Variants in TUNAR observed in about 807,000 individuals in gnomAD.
TUNAR encodes transmembrane neural differentiation associated intracellular calcium regulator, also known as protein TUNAR.
intron 2 of TUNAR, among the ~76,000 whole-genome samples, chr14:95,907,273 GT>G (rs1190486814): frequency 5.9e-5 from 9 of 152,208 alleles, no homozygotes; most frequent in Non-Finnish European, 1.0e-4. Flanking sequence ...TTGCGTGTGT[GT>G]TTTCATAGCA....
At chr14:95,884,292 C>T (rs1173621874) in intron 2 of TUNAR, among the ~76,000 whole-genome samples, 1 of 152,130 alleles carries the variant, frequency 6.6e-6, no homozygotes, top group Non-Finnish European at 1.5e-5. Flanking sequence ...TCCATCTCAC[C>T]TCCTCTCCCA....
chr14:95,891,877 C>T (rs1482456287), intron 2 of TUNAR, among the ~76,000 whole-genome samples: 1 of 152,216 alleles, frequency 6.6e-6, no homozygotes, highest in African/African-American at 2.4e-5. Context: ...CTGGTGGTTG[C>T]CTGCAATCCT....
intron 2 of TUNAR, among the ~76,000 whole-genome samples, chr14:95,912,152 A>G (rs1889524960): frequency 6.6e-6 from 1 of 152,214 alleles, no homozygotes; most frequent in Non-Finnish European, 1.5e-5. Flanking sequence ...GAACATGATA[A>G]AAGTAAATTA....
intron 2 of TUNAR, among the ~76,000 whole-genome samples, chr14:95,904,065 G>A (rs1889394573): frequency 6.6e-6 from 1 of 152,262 alleles, no homozygotes; most frequent in Non-Finnish European, 1.5e-5. Context: ...GGAAGGGAGT[G>A]AGTGGCCATC....
intron 2 of TUNAR, among the ~76,000 whole-genome samples, chr14:95,897,215 G>T (rs1175709020): frequency 6.6e-6 from 1 of 152,158 alleles, no homozygotes; most frequent in African/African-American, 2.4e-5. Context: ...TCCAGGATTT[G>T]CATCCAGACA....
intron 2 of TUNAR, among the ~76,000 whole-genome samples, chr14:95,880,605 C>A (rs1258802989): frequency 6.6e-6 from 1 of 152,222 alleles, no homozygotes; most frequent in Admixed American, 6.5e-5. Flanking sequence ...CCGCCTCAAT[C>A]TCAGGCTGTT....
At chr14:95,884,220 C>T (rs907449805) in intron 2 of TUNAR, among the ~76,000 whole-genome samples, 2 of 152,132 alleles carry the variant, frequency 1.3e-5, no homozygotes, top group Non-Finnish European at 2.9e-5. Flanking sequence ...AGCTTCAGTG[C>T]CCCCTGTGCC....
intron 2 of TUNAR, among the ~76,000 whole-genome samples, chr14:95,917,560 T>C (rs1889625886): frequency 6.6e-6 from 1 of 152,230 alleles, no homozygotes; most frequent in African/African-American, 2.4e-5. Flanking sequence ...GCAAAAAACC[T>C]ATAGAACACT....
At chr14:95,892,582 G>T (rs916036311) in intron 2 of TUNAR, among the ~76,000 whole-genome samples, 10 of 152,220 alleles carry the variant, frequency 6.6e-5, no homozygotes, top group African/African-American at 1.9e-4. Flanking sequence ...ATTCGAGCTG[G>T]CCTGATTCTT....
At chr14:95,876,765 C>T (rs1888886763) in intron 1 of TUNAR, 67 bp from the exon 1 acceptor site, 2 of 152,254 alleles carry the variant, frequency 1.3e-5, no homozygotes, top group Non-Finnish European at 2.9e-5. Flanking sequence ...GTGGGTGGGG[C>T]AGCGCGGTGC....
intron 2 of TUNAR, among the ~76,000 whole-genome samples, chr14:95,913,565 C>G (rs1430783472): frequency 1.3e-5 from 2 of 152,164 alleles, no homozygotes; most frequent in Admixed American, 6.5e-5. Context: ...GGGACAAACT[C>G]CATTTCTTAG....
At chr14:95,912,856 T>A (rs893942971) in intron 2 of TUNAR, among the ~76,000 whole-genome samples, 1 of 152,166 alleles carries the variant, frequency 6.6e-6, no homozygotes, top group Non-Finnish European at 1.5e-5. Context: ...AGTGGTGCGA[T>A]CTCAGCTCAC....
intron 2 of TUNAR, among the ~76,000 whole-genome samples, chr14:95,885,415 C>T (rs888304198): frequency 3.3e-5 from 5 of 152,124 alleles, no homozygotes; most frequent in Admixed American, 6.5e-5. Flanking sequence ...GAGTGACTGA[C>T]GTGCTCTGAG....
intron 2 of TUNAR, among the ~76,000 whole-genome samples, chr14:95,917,223 TG>T (rs756185970): frequency 7.2e-5 from 11 of 152,256 alleles, no homozygotes; most frequent in Non-Finnish European, 1.3e-4. Flanking sequence ...ATAATTCATC[TG>T]GAACTGATGA....
chr14:95,921,751 T>C (rs1180948911), intron 2 of TUNAR, among the ~76,000 whole-genome samples: 1 of 152,186 alleles, frequency 6.6e-6, no homozygotes, highest in African/African-American at 2.4e-5. Flanking sequence ...TCCATTACTT[T>C]TTATGAAAAT....
intron 2 of TUNAR, among the ~76,000 whole-genome samples, chr14:95,903,921 G>A (rs8013317): frequency 0.069 from 10,534 of 152,252 alleles, 850 homozygotes; most frequent in African/African-American, 0.19. Flanking sequence ...TTGGATACTG[G>A]CATGGCAGCC....
intron 2 of TUNAR, among the ~76,000 whole-genome samples, chr14:95,891,413 C>T (rs1350771853): frequency 1.3e-5 from 2 of 152,156 alleles, no homozygotes; most frequent in African/African-American, 2.4e-5. Flanking sequence ...AAGAGCCCTG[C>T]GATTCATATA....
At chr14:95,923,069 C>T (rs569482458) in exon 3 of TUNAR, 3 of 397,926 alleles carry the variant, frequency 7.5e-6, no homozygotes, top group Non-Finnish European at 1.3e-5. Context: ...AGGCTTGACC[C>T]GCACATACCA....
chr14:95,884,079 G>A (rs768332624), intron 2 of TUNAR, among the ~76,000 whole-genome samples: 5 of 151,980 alleles, frequency 3.3e-5, no homozygotes, highest in Non-Finnish European at 5.9e-5. Context: ...ACCCACCGCC[G>A]TGCTGTCCAA....
Sources: allele counts gnomAD v4.1 joint callset (sites outside exome capture counted in the v4.1 genomes callset), GRCh38; gene constraint gnomAD v4.1.1; transcripts MANE v1.5; gene names NCBI Gene and HGNC (gene_info 2026-07-23, HGNC 2026-07-21).